GLIS3: variants seen among roughly 807,000 people sequenced by gnomAD.
GLIS3 encodes GLIS family zinc finger 3, also known as zinc finger protein GLIS3.
A neutral mutation model predicts 78.6 loss-of-function variants in GLIS3; 53 were observed. The ratio of observed to expected loss-of-function variants is 0.67; its 90% CI spans 0.54 to 0.85. The LOEUF is 0.85. GLIS3 is among the 40% of genes least tolerant of loss of function. The probability of loss-of-function intolerance (pLI) is 0.00; values close to 1 mark genes in which losing one functional copy is unlikely to be tolerated. For missense variants in GLIS3, 1,703 were observed against 1,231.1 expected (o/e 1.38, Z -5.74); for synonymous variants, 684 against 509.9 (o/e 1.34, Z -4.60).
the GLIS3 span, among the ~76,000 whole-genome samples, chr9:4,398,942 C>T: frequency 7.9e-5 from 12 of 152,298 alleles, no homozygotes; most frequent in South Asian, 2.1e-4. Flanking sequence ...CTACCTTGGC[C>T]TCTCAAAGTG....
In GLIS3 at chr9:3,898,779, C is replaced by A; in HGVS notation, c.2040G>T (p.Gln680His). 1.2e-6 allele frequency: 2 copies of A among 1,614,204 alleles called. No individual in the cohort carries two copies. The highest frequency in any genetic ancestry group is 1.7e-6 in the Non-Finnish European group (2 of 1,180,026). The stretch of plus-strand genomic sequence containing the variant: ...TAGGGGAAGTGGCCGGCTGCAGGGA[C>A]TGCACGGTGAGGCAATCTGTGAGCA... ...PDLLTDCLTV[Q>H]SLQPATSPRD... Residue 680 changes from glutamine (Q) to histidine (H), a missense_variant, in exon 7 of 11, where the codon CAG becomes CAT. Gln to His is a conservative substitution (Grantham distance 24). Coordinates refer to ENST00000381971, the MANE Select transcript of GLIS3 (RefSeq NM_001042413.2).
intron 2 of GLIS3, among the ~76,000 whole-genome samples, chr9:4,266,622 ACACACAC>A (rs2130095123): frequency 6.6e-6 from 1 of 151,250 alleles, no homozygotes; most frequent in African/African-American, 2.5e-5. Flanking sequence ...ACACACACAC[ACACACAC>A]ACTTTCCTTA....
chr9:4,252,633 A>C (rs1824507176), intron 2 of GLIS3, among the ~76,000 whole-genome samples: 1 of 152,090 alleles, frequency 6.6e-6, no homozygotes, highest in Non-Finnish European at 1.5e-5. Flanking sequence ...CTCATTCTCC[A>C]TCCAGTTTTG....
intron 4 of GLIS3, among the ~76,000 whole-genome samples, chr9:3,979,201 C>G (rs933151371): frequency 3.3e-5 from 5 of 152,150 alleles, no homozygotes; most frequent in Non-Finnish European, 7.4e-5. Context: ...CCTGTTACTA[C>G]CACTTTCACA....
chr9:4,028,062 T>C (rs978891349), intron 4 of GLIS3, among the ~76,000 whole-genome samples: 2 of 152,204 alleles, frequency 1.3e-5, no homozygotes, highest in African/African-American at 4.8e-5. Flanking sequence ...CTTATCTTCC[T>C]GTAACTCATT....
intron 2 of GLIS3, among the ~76,000 whole-genome samples, chr9:4,196,351 AG>A (rs1386838458): frequency 6.6e-6 from 1 of 152,170 alleles, no homozygotes; most frequent in East Asian, 1.9e-4. Flanking sequence ...GGGTCAGATA[AG>A]GGAATAAAAG....
At chr9:4,056,604 C>T (rs1826172553) in intron 4 of GLIS3, among the ~76,000 whole-genome samples, 1 of 151,830 alleles carries the variant, frequency 6.6e-6, no homozygotes, top group Non-Finnish European at 1.5e-5. Flanking sequence ...GAGAAAAAAG[C>T]AAAGGGAAGA....
At chr9:4,449,414 C>A in the GLIS3 span, among the ~76,000 whole-genome samples, 1 of 152,190 alleles carries the variant, frequency 6.6e-6, no homozygotes, top group Non-Finnish European at 1.5e-5. Flanking sequence ...CAAAAGGCAG[C>A]AGAAACTTCT....
At chr9:4,105,556 A>G (rs905278900) in intron 4 of GLIS3, among the ~76,000 whole-genome samples, 2 of 152,226 alleles carry the variant, frequency 1.3e-5, no homozygotes, top group Admixed American at 6.5e-5. Flanking sequence ...GACACTGCAA[A>G]TGGTCAATAT....
the GLIS3 span, among the ~76,000 whole-genome samples, chr9:4,433,585 A>G: frequency 0.11 from 17,477 of 152,280 alleles, 1,235 homozygotes; most frequent in South Asian, 0.19. Flanking sequence ...TCATTTGGAT[A>G]CTGAGAAATG....
chr9:4,298,033 G>T (rs910337361), intron 1 of GLIS3, among the ~76,000 whole-genome samples: 1 of 152,144 alleles, frequency 6.6e-6, no homozygotes, highest in Non-Finnish European at 1.5e-5. Context: ...CTAACCCTCG[G>T]CCCCGTGCGC....
the GLIS3 span, among the ~76,000 whole-genome samples, chr9:4,414,676 C>A: frequency 6.6e-6 from 1 of 152,022 alleles, no homozygotes; most frequent in African/African-American, 2.4e-5. Flanking sequence ...GCTCAACCAC[C>A]TCCTCCTAGC....
chr9:4,282,779 A>T (rs921722120), intron 2 of GLIS3, among the ~76,000 whole-genome samples: 5 of 152,182 alleles, frequency 3.3e-5, no homozygotes, highest in African/African-American at 1.2e-4. Flanking sequence ...ACATGTAGAT[A>T]TGTATCCTAT....
intron 2 of GLIS3, among the ~76,000 whole-genome samples, chr9:4,263,753 A>G (rs1336625754): frequency 6.6e-6 from 1 of 152,142 alleles, no homozygotes; most frequent in Non-Finnish European, 1.5e-5. Context: ...TCTCAGCAAC[A>G]TCTGGCCTAG....
intron 4 of GLIS3, 32 bp downstream of exon 4, chr9:4,117,736 G>C (rs767479840): frequency 2.5e-6 from 4 of 1,614,036 alleles, no homozygotes; most frequent in Non-Finnish European, 3.4e-6. Flanking sequence ...GGGCCTTCAA[G>C]AGAGGTCACC....
chr9:4,132,435 C>T (rs1833047073), intron 2 of GLIS3, among the ~76,000 whole-genome samples: 1 of 152,198 alleles, frequency 6.6e-6, no homozygotes, highest in African/African-American at 2.4e-5. Context: ...ATTATCACTA[C>T]TGAGGCTGCA....
intron 9 of GLIS3, among the ~76,000 whole-genome samples, chr9:3,830,236 T>C (rs1227166721): frequency 6.6e-6 from 1 of 152,250 alleles, no homozygotes; most frequent in African/African-American, 2.4e-5. Flanking sequence ...GTAGTTTTCC[T>C]TGGGGTCCCA....
the GLIS3 span, among the ~76,000 whole-genome samples, chr9:4,463,766 C>T: frequency 6.6e-6 from 1 of 152,310 alleles, no homozygotes. Flanking sequence ...CTACTTTACA[C>T]AGTTTTCTCC....
chr9:3,949,483 T>C (rs765261780), intron 4 of GLIS3, among the ~76,000 whole-genome samples: 45 of 152,196 alleles, frequency 3.0e-4, no homozygotes, highest in Non-Finnish European at 5.7e-4. Context: ...ACCTACAAGA[T>C]TGCACATTCA....
Sources: allele counts gnomAD v4.1 joint callset (sites outside exome capture counted in the v4.1 genomes callset), GRCh38; gene constraint gnomAD v4.1.1; transcripts MANE v1.5; gene names NCBI Gene and HGNC (gene_info 2026-07-23, HGNC 2026-07-21).